Variants in IQSEC3 observed in about 807,000 individuals in gnomAD.
IQSEC3 encodes IQ motif and SEC7 domain-containing protein 3.
IQSEC3 carries 50 observed loss-of-function variants against 105.4 expected under a neutral mutation model. That is an observed-to-expected ratio of 0.47 (90% CI 0.38 to 0.60). The LOEUF (loss-of-function observed/expected upper bound fraction) is 0.60, where lower values mean the gene tolerates loss of function less well. Ranked by LOEUF, IQSEC3 falls within the 20% of genes least tolerant of loss-of-function variation. The pLI, the probability that IQSEC3 is intolerant of heterozygous loss-of-function variation, is 0.00. For missense variants in IQSEC3, 1,415 were observed against 1,630.0 expected, an observed-to-expected ratio of 0.87 and a Z score of 2.27; for synonymous variants, 708 against 746.0, an observed-to-expected ratio of 0.95 and a Z score of 0.83.
intron 1 of IQSEC3, among the ~76,000 whole-genome samples, chr12:76,503 A>G (rs542781928): frequency 5.4e-4 from 82 of 152,376 alleles, no homozygotes; most frequent in African/African-American, 1.1e-3. Flanking sequence ...GTATCTCCCA[A>G]TGACCCCTGG....
In IQSEC3 at chr12:139,296, C is replaced by A. The variant is rs782519499; in HGVS notation, c.1933C>A (p.Leu645Ile). 62 of 1,604,738 alleles carry A rather than the reference C, an allele frequency of 3.9e-5. No homozygotes were observed. Among genetic ancestry groups the A allele is most frequent in the Non-Finnish European group, 5.3e-5 (62 of 1,176,302 alleles). Residue 645 changes from leucine (L) to isoleucine (I), a missense_variant, in exon 4 of 14, where the codon CTC (leucine) becomes ATC (isoleucine). Coordinates refer to ENST00000538872, the MANE Select transcript of IQSEC3 (RefSeq NM_001170738.2). ...CCCAGCCAGCTGCAAGTCGCCCACG[C>A]TCTCCACCGACACCCTGCGCAAGCG... is the stretch of plus-strand genomic sequence containing the variant. Reference protein sequence around the residue: ...ENPASCKSPTLSTDTLRKRLY... With the variant: ...ENPASCKSPTISTDTLRKRLY...
intron 2 of IQSEC3, among the ~76,000 whole-genome samples, chr12:103,468 G>A (rs10744712): frequency 0.95 from 31,052 of 32,524 alleles, 14,795 homozygotes; most frequent in Non-Finnish European, 0.96. Context: ...CAGGAGAGGC[G>A]GGGCTCAGGA....
Position 163,378 on chromosome 12 carries a change from A to ACAGAACTGGACCCCTCCCCTGTCCCCTCC in IQSEC3, c.2584-110_2584-109insTGGACCCCTCCCCTGTCCCCTCCCAGAAC. The ACAGAACTGGACCCCTCCCCTGTCCCCTCC allele has an allele frequency of 9.6e-6, 7 of 727,194 alleles. 1 individual carries two copies. Among genetic ancestry groups the ACAGAACTGGACCCCTCCCCTGTCCCCTCC allele is most frequent in the South Asian group, 8.3e-5 (3 of 36,326 alleles). 45.0% of individuals were successfully genotyped at this position (727,194 alleles called of 1,614,324 possible). ...CGGACCCCTCCCCTCTCCTCCCTCC[A>ACAGAACTGGACCCCTCCCCTGTCCCCTCC]CAGAACCGGGCCCCTCCCCTCTCCC... On this transcript the variant is annotated intron_variant, in intron 8 of 13. Coordinates refer to ENST00000538872, the MANE Select transcript of IQSEC3 (RefSeq NM_001170738.2).
intron 1 of IQSEC3, among the ~76,000 whole-genome samples, chr12:73,308 T>C (rs1419296630): frequency 1.3e-5 from 2 of 152,232 alleles, no homozygotes; most frequent in African/African-American, 2.4e-5. Flanking sequence ...TTTTTCCACT[T>C]ATAAAATGGG....
chr12:111,614 C>G (rs1292021263), intron 2 of IQSEC3: 1 of 152,260 alleles, frequency 6.6e-6, no homozygotes, highest in Non-Finnish European at 1.5e-5. Context: ...GATCAATTTT[C>G]CTACCTTGGC....
At chr12:174,546 G>A in intron 13 of IQSEC3, 53 bp from the exon 14 acceptor site, 1 of 1,467,920 alleles carries the variant, frequency 6.8e-7, no homozygotes, top group East Asian at 2.4e-5. Context: ...TGTCCTAGCA[G>A]CTGGGAATTA....
intron 1 of IQSEC3, among the ~76,000 whole-genome samples, chr12:75,768 T>C (rs1863494582): frequency 6.6e-6 from 1 of 152,212 alleles, no homozygotes; most frequent in Non-Finnish European, 1.5e-5. Context: ...TCATGGATTG[T>C]TGAGTGGAGG....
At chr12:156,391 G>A (rs540707789) in intron 5 of IQSEC3, among the ~76,000 whole-genome samples, 1 of 151,932 alleles carries the variant, frequency 6.6e-6, no homozygotes, top group Non-Finnish European at 1.5e-5. Context: ...GTCCCCTCAC[G>A]TTAGGCACAT....
At chr12:120,564 G>C (rs1356731487) in intron 2 of IQSEC3, among the ~76,000 whole-genome samples, 1 of 152,300 alleles carries the variant, frequency 6.6e-6, no homozygotes, top group East Asian at 1.9e-4. Flanking sequence ...GCCAGGACCA[G>C]GCATGCTCAG....
At chr12:80,871 G>C (rs544320409) in intron 1 of IQSEC3, among the ~76,000 whole-genome samples, 3 of 152,144 alleles carry the variant, frequency 2.0e-5, no homozygotes, top group Non-Finnish European at 4.4e-5. Context: ...GTCTGGGGAC[G>C]GGCATTCCTG....
At chr12:156,308 T>C (rs886444720) in intron 5 of IQSEC3, among the ~76,000 whole-genome samples, 9 of 151,688 alleles carry the variant, frequency 5.9e-5, no homozygotes, top group East Asian at 2.0e-4. Flanking sequence ...GCCCCAGGAG[T>C]GAGTGGGCAA....
At chr12:90,499 T>C (rs972817775) in intron 1 of IQSEC3, among the ~76,000 whole-genome samples, 7 of 152,266 alleles carry the variant, frequency 4.6e-5, no homozygotes, top group Non-Finnish European at 8.8e-5. Context: ...TTTAAATTTT[T>C]ATGTATGGCA....
chr12:136,787 CCACCATTTAAGCCCAT>C (rs546251624), intron 3 of IQSEC3, among the ~76,000 whole-genome samples: 142 of 138,802 alleles, frequency 1.0e-3, no homozygotes, highest in Admixed American at 2.0e-3. Flanking sequence ...GTCTAGGATG[CCACCATTTAAGCCCAT>C]CACCTTCACA....
chr12:79,093 C>A (rs541407848), intron 1 of IQSEC3, among the ~76,000 whole-genome samples: 2 of 152,342 alleles, frequency 1.3e-5, no homozygotes, highest in South Asian at 4.1e-4. Context: ...CTGGCACTTC[C>A]TGCTCCTCAT....
chr12:70,726 C>T (rs747697666), intron 1 of IQSEC3, among the ~76,000 whole-genome samples: 17 of 152,282 alleles, frequency 1.1e-4, no homozygotes, highest in Non-Finnish European at 2.2e-4. Context: ...ACCAGTCATG[C>T]GTTTAGTGTC....
chr12:161,781 G>C (rs1273957907), intron 7 of IQSEC3, 145 bp from the exon 8 acceptor site: 2 of 690,974 alleles, frequency 2.9e-6, no homozygotes, highest in Admixed American at 2.9e-5. Context: ...ATGGGTATGA[G>C]GCACCAGCCA....
chr12:143,782 G>A, intron 5 of IQSEC3: 1 of 173,872 alleles, frequency 5.8e-6, no homozygotes, highest in Non-Finnish European at 1.2e-5. Flanking sequence ...CAAACATCGA[G>A]CACTTATTTA....
intron 2 of IQSEC3, among the ~76,000 whole-genome samples, chr12:124,325 G>T (rs1264362571): frequency 2.0e-5 from 3 of 146,970 alleles, no homozygotes. Flanking sequence ...GGAGGTGGAG[G>T]TTGCAGTGAG....
chr12:83,430 T>C (rs1863814028), intron 1 of IQSEC3, among the ~76,000 whole-genome samples: 1 of 151,408 alleles, frequency 6.6e-6, no homozygotes, highest in African/African-American at 2.4e-5. Context: ...CGGGGGTGGC[T>C]AGGGGGAGGA....
Sources: allele counts gnomAD v4.1 joint callset (sites outside exome capture counted in the v4.1 genomes callset), GRCh38; gene constraint gnomAD v4.1.1; transcripts MANE v1.5; gene names NCBI Gene and HGNC (gene_info 2026-07-23, HGNC 2026-07-21).